Variants in MYH10 observed in about 807,000 individuals in gnomAD.
MYH10 encodes myosin-10.
In MYH10, 55 loss-of-function variants were observed where a neutral mutation model predicts 257.8. The ratio of observed to expected loss-of-function variants is 0.21; its 90% CI spans 0.17 to 0.27. MYH10 has a LOEUF of 0.27. Ranked by LOEUF, MYH10 falls within the 10% of genes least tolerant of loss-of-function variation. The pLI is 1.00. For synonymous variants in MYH10, 854 were observed against 921.7 expected (o/e 0.93, Z 1.33); for missense variants, 1,631 against 2,500.6 (o/e 0.65, Z 7.42).
Position 8,545,419 on chromosome 17 carries a change from A to C in MYH10, c.1431+29T>G, listed in dbSNP as rs1187450565. ...GTTAAAAGAACAAACAAAAAGAAGG[A>C]CGAGCTAGAGGAAGAGGGGGAAGAA... On this transcript the variant is annotated intron_variant, in intron 13 of 42. Coordinates refer to ENST00000360416, the MANE Select transcript of MYH10 (RefSeq NM_001256012.3). The surrounding 1 kb of genome is among the most constrained non-coding windows in gnomAD (Gnocchi z 4.7). 1 of 1,609,788 alleles carries C rather than the reference A, an allele frequency of 6.2e-7. No individual in the cohort carries two copies. The highest frequency in any genetic ancestry group is 8.5e-7 in the Non-Finnish European group (1 of 1,178,336).
intron 7 of MYH10, chr17:8,561,643 T>TA (rs35474546): frequency 0.29 from 156,658 of 538,256 alleles, 10,850 homozygotes; most frequent in African/African-American, 0.34. Flanking sequence ...AAATTGTACT[T>TA]AAAAAAAAAA....
Position 8,545,106 on chromosome 17 carries a change from T to C in MYH10, c.1431+342A>G, listed in dbSNP as rs2082404799. ...AGCTTAGAACATTTGTTAAGTTCTG[T>C]CCCATACAGGACCACTGGAATTACT... On this transcript the variant is annotated intron_variant, in intron 13 of 42. Coordinates refer to ENST00000360416, the MANE Select transcript of MYH10 (RefSeq NM_001256012.3). The surrounding 1 kb of genome is among the most constrained non-coding windows in gnomAD (Gnocchi z 4.7). Among the ~76,000 whole-genome samples, 1 of 152,216 alleles carries C rather than the reference T, an allele frequency of 6.6e-6. No individual in the cohort carries two copies. Among genetic ancestry groups the C allele is most frequent in the Admixed American group, 6.5e-5 (1 of 15,288 alleles).
intron 16 of MYH10, among the ~76,000 whole-genome samples, chr17:8,534,643 C>A (rs1048218587): frequency 1.3e-5 from 2 of 152,204 alleles, no homozygotes; most frequent in Admixed American, 6.5e-5. Context: ...ACCCAGGTTA[C>A]TGAACAGGTC....
chr17:8,543,441 A>G (rs1193212122), intron 13 of MYH10, among the ~76,000 whole-genome samples: 1 of 149,352 alleles, frequency 6.7e-6, no homozygotes, highest in Non-Finnish European at 1.5e-5. Context: ...GGATGATGAC[A>G]TCCTATTGCT....
At chr17:8,617,780 T>G (rs2085323911) in intron 2 of MYH10, among the ~76,000 whole-genome samples, 1 of 152,198 alleles carries the variant, frequency 6.6e-6, no homozygotes, top group Admixed American at 6.5e-5. Context: ...GATGGAATAC[T>G]ATATTCCAAC....
chr17:8,588,725 C>T (rs766235147), intron 4 of MYH10, among the ~76,000 whole-genome samples: 3 of 152,192 alleles, frequency 2.0e-5, no homozygotes, highest in Non-Finnish European at 4.4e-5. Context: ...TTTTATTCTG[C>T]TGTGAATGTT....
intron 34 of MYH10, among the ~76,000 whole-genome samples, chr17:8,491,737 A>G (rs925917470): frequency 1.6e-4 from 24 of 152,210 alleles, no homozygotes; most frequent in Admixed American, 7.2e-4. Context: ...CACGTCATAC[A>G]CTAAGGGAGA....
rs763033321 is a variant in MYH10 at position 8,585,166 on chromosome 17, C to CAT, written c.530+3913_530+3914dup. The stretch of plus-strand genomic sequence containing the variant: ...CCTGTATTTTCTTTTGGTCGTACTA[C>CAT]ATATATATATGTGTGTGTGTGTGTA... On this transcript the variant is annotated intron_variant, in intron 4 of 42. Transcript: ENST00000360416. Among the ~76,000 whole-genome samples, 391 of 149,892 alleles carry CAT rather than the reference C, an allele frequency of 2.6e-3. 5 individuals carry two copies. In the Middle Eastern group the frequency reaches 0.031, roughly 12 times the overall value.
At chr17:8,551,441 T>C (rs935398984) in intron 9 of MYH10, among the ~76,000 whole-genome samples, 1 of 152,178 alleles carries the variant, frequency 6.6e-6, no homozygotes, top group African/African-American at 2.4e-5. Flanking sequence ...CTAGATAATA[T>C]ATATAATAAT....
intron 17 of MYH10, among the ~76,000 whole-genome samples, chr17:8,525,689 TAATA>T (rs1224346535): frequency 3.3e-5 from 5 of 152,214 alleles, no homozygotes; most frequent in East Asian, 1.9e-4. Flanking sequence ...ATATAGTAAC[TAATA>T]AATAGTCATA....
chr17:8,514,480 C>CA (rs1467186553), intron 21 of MYH10, among the ~76,000 whole-genome samples: 1 of 152,110 alleles, frequency 6.6e-6, no homozygotes, highest in Admixed American at 6.5e-5. Context: ...GTGGAGCCCT[C>CA]ACCTCCTTGT....
At position 8,506,040 on chromosome 17, in the gene MYH10, T is replaced by TA. The variant is rs2081065776; in HGVS notation, c.3386+277_3386+278insT. 2.8e-6 allele frequency: 1 copy of TA among 351,434 alleles called. No homozygotes were observed. Among genetic ancestry groups the TA allele is most frequent in the African/African-American group, 2.1e-5 (1 of 46,842 alleles). 21.8% of individuals were successfully genotyped at this position (351,434 alleles called of 1,614,324 possible). On this transcript the variant is annotated intron_variant, in intron 27 of 42. Transcript: ENST00000360416. This position sits in a 1 kb window ranked among gnomAD's most constrained non-coding sequence, Gnocchi z 5.0. ...CTGTAATGTACAGAGACCAAAACAT[T>TA]TGTTATAGTGAAATAATTTGTTCTG...
chr17:8,514,353 C>G (rs2081395515), intron 21 of MYH10, among the ~76,000 whole-genome samples: 1 of 152,158 alleles, frequency 6.6e-6, no homozygotes, highest in African/African-American at 2.4e-5. Context: ...TAATTTTTCT[C>G]CTCCTTCCCT....
intron 4 of MYH10, among the ~76,000 whole-genome samples, chr17:8,587,226 C>T (rs111655795): frequency 6.6e-5 from 10 of 152,244 alleles, no homozygotes; most frequent in African/African-American, 2.4e-4. Flanking sequence ...TGAGCCTGGC[C>T]CAGATCTGCA....
intron 21 of MYH10, among the ~76,000 whole-genome samples, chr17:8,514,631 C>A (rs1004597380): frequency 5.3e-5 from 8 of 151,792 alleles, no homozygotes; most frequent in African/African-American, 1.9e-4. Context: ...CTCAACCCCC[C>A]TCCTGCCAAA....
intron 3 of MYH10, among the ~76,000 whole-genome samples, chr17:8,594,741 T>C (rs1020316059): frequency 2.0e-5 from 3 of 152,210 alleles, no homozygotes; most frequent in Non-Finnish European, 4.4e-5. Context: ...GCAGAGTATC[T>C]GCAAATACCC....
At chr17:8,532,997 C>T (rs2082046074) in intron 16 of MYH10, among the ~76,000 whole-genome samples, 1 of 152,086 alleles carries the variant, frequency 6.6e-6, no homozygotes, top group Admixed American at 6.5e-5. Flanking sequence ...GTCAGTAGTC[C>T]CAATACCTGT....
rs1912951999 is a variant in MYH10, at chr17:8,477,878, A to G, written c.5706+460T>C. Among the ~76,000 whole-genome samples the G allele has an allele frequency of 6.6e-6, 1 of 152,168 alleles. No individual in the cohort carries two copies. Among genetic ancestry groups the G allele is most frequent in the African/African-American group, 2.4e-5 (1 of 41,436 alleles). On this transcript the variant is annotated intron_variant, in intron 41 of 42. Transcript: ENST00000360416. This position sits in a 1 kb window ranked among gnomAD's most constrained non-coding sequence, Gnocchi z 4.2. ...TGCGGAACATTCCCTGTGTACTTAGAAAAGGGGGCCTGGATGCAGACGCTG... is the reference window on the plus strand; with the variant it reads ...TGCGGAACATTCCCTGTGTACTTAGGAAAGGGGGCCTGGATGCAGACGCTG...
rs1012286782 is a variant in MYH10, at chr17:8,506,865, C to G, written c.3215-376G>C. ...TGGGGCAGCAATCGTAGCTGCCTGT[C>G]ACCCCATTCCCTTTTCCATGGGAAC... On this transcript the variant is annotated intron_variant, in intron 26 of 42. Coordinates refer to ENST00000360416, the MANE Select transcript of MYH10 (RefSeq NM_001256012.3). This position sits in a 1 kb window ranked among gnomAD's most constrained non-coding sequence, Gnocchi z 5.0. 5.9e-5 allele frequency among the ~76,000 whole-genome samples: 9 copies of G among 152,230 alleles called. No homozygotes were observed. Among genetic ancestry groups the G allele is most frequent in the South Asian group, 4.1e-4 (2 of 4,834 alleles).
Sources: gnomAD v4.1 joint callset for allele counts (sites outside exome capture counted in the v4.1 genomes callset) on GRCh38, gnomAD v4.1.1 for gene constraint, Gnocchi (gnomAD v3.1) non-coding constraint, MANE v1.5 for transcripts, NCBI Gene and HGNC (gene_info 2026-07-23, HGNC 2026-07-21) for gene names.